Variants in TASP1 observed in about 807,000 individuals in gnomAD.
TASP1 encodes the protein threonine aspartase 1.
Under a neutral mutation model 56.6 loss-of-function variants are expected in TASP1, and 16 were observed. The ratio of observed to expected loss-of-function variants is 0.28; its 90% CI spans 0.19 to 0.43. TASP1 has a LOEUF of 0.43. Ranked by LOEUF, TASP1 falls within the 20% of genes least tolerant of loss-of-function variation. The pLI is 1.00. For synonymous variants in TASP1, 179 were observed against 184.2 expected (o/e 0.97, Z 0.23); for missense variants, 393 against 511.6 (o/e 0.77, Z 2.24).
the TASP1 span, chr20:13,153,865 A>C: frequency 5.0e-5 from 55 of 1,104,022 alleles, no homozygotes; most frequent in Non-Finnish European, 7.0e-5. Flanking sequence ...CCCAGGAGAT[A>C]TCTCCCTTCC....
intron 1 of TASP1, among the ~76,000 whole-genome samples, chr20:13,636,338 T>C (rs2147638934): frequency 6.6e-6 from 1 of 151,102 alleles, no homozygotes; most frequent in African/African-American, 2.4e-5. Flanking sequence ...TTTTGTATTT[T>C]TAGTAGAGAC....
chr20:13,472,725 C>T (rs959354630), intron 11 of TASP1, among the ~76,000 whole-genome samples: 2 of 151,128 alleles, frequency 1.3e-5, no homozygotes, highest in Non-Finnish European at 2.9e-5. Context: ...CCAGCAGACA[C>T]ATGAAAAAAT....
intron 6 of TASP1, among the ~76,000 whole-genome samples, chr20:13,576,371 AAGAAAG>A (rs200857624): frequency 0.3 from 43,537 of 145,426 alleles, 6,967 homozygotes; most frequent in Non-Finnish European, 0.35. Context: ...GAAAGAAAGA[AAGAAAG>A]AAAGAAAGAA....
At chr20:13,379,238 C>T in the TASP1 span, among the ~76,000 whole-genome samples, 21 of 152,162 alleles carry the variant, frequency 1.4e-4, no homozygotes, top group Non-Finnish European at 8.8e-5. Context: ...ATATTTAGTG[C>T]TTGCTTCAGG....
At chr20:13,270,495 T>A in the TASP1 span, 1 of 1,608,606 alleles carries the variant, frequency 6.2e-7, no homozygotes, top group Admixed American at 1.7e-5. Context: ...GCTTGTTTGT[T>A]TGTTTTAGAA....
intron 11 of TASP1, among the ~76,000 whole-genome samples, chr20:13,477,952 C>T (rs539485850): frequency 2.6e-5 from 4 of 152,176 alleles, no homozygotes; most frequent in Non-Finnish European, 5.9e-5. Context: ...CTCTGAAATG[C>T]CTTTCAATTT....
At chr20:13,304,170 C>G in the TASP1 span, among the ~76,000 whole-genome samples, 5 of 152,308 alleles carry the variant, frequency 3.3e-5, no homozygotes, top group African/African-American at 9.6e-5. Context: ...CTTCCAGTCA[C>G]TCTCCTCAGC....
the TASP1 span, among the ~76,000 whole-genome samples, chr20:13,273,711 G>T: frequency 7.2e-5 from 11 of 152,168 alleles, no homozygotes; most frequent in Non-Finnish European, 1.5e-4. Flanking sequence ...TGGCCAAATG[G>T]ATTAAAAATT....
chr20:13,500,587 A>G (rs1435831816), intron 10 of TASP1, among the ~76,000 whole-genome samples: 1 of 151,964 alleles, frequency 6.6e-6, no homozygotes, highest in African/African-American at 2.4e-5. Context: ...CTATTAAAAT[A>G]AATCAAAAAG....
chr20:13,524,278 A>G (rs2146826873), intron 10 of TASP1, among the ~76,000 whole-genome samples: 1 of 152,242 alleles, frequency 6.6e-6, no homozygotes, highest in East Asian at 1.9e-4. Flanking sequence ...CTAATCTTCA[A>G]TCTGCTCGTC....
In TASP1 at chr20:13,449,343, TTG is replaced by T. The variant is rs1467635814; in HGVS notation, c.986-14191_986-14190del. ...TTATACATTTAGTTATTGTTGCTCA[TTG>T]TGTTTCCTTCTCTGATTTATTTCCT... On this transcript the variant is annotated intron_variant, in intron 11 of 13. Transcript: ENST00000337743. 3.9e-5 allele frequency among the ~76,000 whole-genome samples: 6 copies of T among 152,232 alleles called. No individual in the cohort carries two copies. In the South Asian group the frequency reaches 6.2e-4, roughly 16 times the overall value.
At chr20:13,160,580 T>C in the TASP1 span, among the ~76,000 whole-genome samples, 9 of 152,116 alleles carry the variant, frequency 5.9e-5, no homozygotes, top group Admixed American at 2.0e-4. Context: ...CTAAGTGAGG[T>C]GGAAATGATT....
chr20:13,601,262 C>A (rs2047947009), intron 4 of TASP1, among the ~76,000 whole-genome samples: 1 of 146,898 alleles, frequency 6.8e-6, no homozygotes, highest in African/African-American at 2.6e-5. Flanking sequence ...GCCTGGGCAA[C>A]ACAGTGAGAC....
chr20:13,615,716 G>A (rs1455064740), intron 4 of TASP1, among the ~76,000 whole-genome samples: 1 of 151,934 alleles, frequency 6.6e-6, no homozygotes, highest in East Asian at 1.9e-4. Context: ...TGTTAGCCAG[G>A]ATGGTCTTGA....
At chr20:13,607,468 A>G (rs916545740) in intron 4 of TASP1, among the ~76,000 whole-genome samples, 2 of 152,240 alleles carry the variant, frequency 1.3e-5, no homozygotes, top group Admixed American at 6.5e-5. Context: ...ATCTATTATG[A>G]GACCTCTATT....
At chr20:13,397,078 T>C (rs770106907) in intron 13 of TASP1, among the ~76,000 whole-genome samples, 4 of 152,224 alleles carry the variant, frequency 2.6e-5, no homozygotes, top group Admixed American at 6.5e-5. Flanking sequence ...CCAGTGAAGA[T>C]ACTCACATAA....
chr20:13,357,654 C>T, the TASP1 span, among the ~76,000 whole-genome samples: 3 of 152,070 alleles, frequency 2.0e-5, no homozygotes. Context: ...TAGGTATTTA[C>T]CCAAGAGAAA....
rs2047566166 is a variant in TASP1, at chr20:13,592,392, T to C, written c.283-5022A>G. Among the ~76,000 whole-genome samples the C allele has an allele frequency of 9.1e-5, 10 of 110,150 alleles. No individual in the cohort carries two copies. In the South Asian group the frequency reaches 3.0e-3, roughly 34 times the overall value. 72.3% of individuals were successfully genotyped at this position (110,150 alleles called of 152,430 possible). On this transcript the variant is annotated intron_variant, in intron 4 of 13. Coordinates refer to ENST00000337743, the MANE Select transcript of TASP1 (RefSeq NM_017714.3). ...AGCTTGGTCAATGAAAGCGAAACAC[T>C]GTCTCAAAAAAAAAAAAAAATTATA... is the stretch of plus-strand genomic sequence containing the variant.
chr20:13,289,553 G>A, the TASP1 span, among the ~76,000 whole-genome samples: 18 of 152,236 alleles, frequency 1.2e-4, no homozygotes, highest in African/African-American at 4.3e-4. Flanking sequence ...GCCAGGTCTG[G>A]CTCGAGACCT....
Sources: allele counts gnomAD v4.1 joint callset (sites outside exome capture counted in the v4.1 genomes callset), GRCh38; gene constraint gnomAD v4.1.1; transcripts MANE v1.5; gene names NCBI Gene and HGNC (gene_info 2026-07-23, HGNC 2026-07-21).